The following CNOT6L variants were observed in gnomAD, a reference collection of about 807,000 sequenced individuals.
The protein encoded by CNOT6L is CCR4-NOT transcription complex subunit 6-like.
A neutral mutation model predicts 64.0 loss-of-function variants in CNOT6L; 7 were observed. That is an observed-to-expected ratio of 0.11 (90% CI 0.06 to 0.21). The LOEUF is 0.21. Ranked by LOEUF, CNOT6L falls within the 10% of genes least tolerant of loss-of-function variation. The pLI, the probability that CNOT6L is intolerant of heterozygous loss-of-function variation, is 1.00. For synonymous variants in CNOT6L, 193 were observed against 243.4 expected (o/e 0.79, Z 1.93); for missense variants, 245 against 669.0 (o/e 0.37, Z 6.99).
intron 1 of CNOT6L, among the ~76,000 whole-genome samples, chr4:77,808,854 T>C (rs1732571272): frequency 6.6e-6 from 1 of 152,220 alleles, no homozygotes; most frequent in Admixed American, 6.5e-5. Flanking sequence ...TTCACCTGTT[T>C]ACTAGATCCA....
rs764246125 is a variant in CNOT6L, at chr4:77,718,002, A to G, written c.*2429T>C. The G allele has an allele frequency of 6.6e-6, 1 of 151,910 alleles. No individual in the cohort carries two copies. Among genetic ancestry groups the G allele is most frequent in the Non-Finnish European group, 1.5e-5 (1 of 67,974 alleles). The allele number at this position is 151,910 out of a possible 1,614,324, so 9.4% of individuals were successfully genotyped here. Reference sequence around the variant, plus strand: ...CTGCAACAGAGTGCCTCGATCATACACAAAATAAACTTAAGCTGTTTACAA... The same window carrying G: ...CTGCAACAGAGTGCCTCGATCATACGCAAAATAAACTTAAGCTGTTTACAA... On this transcript the variant is annotated 3_prime_UTR_variant, in exon 12 of 12. Coordinates refer to ENST00000504123, the MANE Select transcript of CNOT6L (RefSeq NM_144571.3).
At chr4:77,798,426 A>G (rs1402543158) in intron 1 of CNOT6L, among the ~76,000 whole-genome samples, 2 of 152,242 alleles carry the variant, frequency 1.3e-5, no homozygotes, top group African/African-American at 4.8e-5. Flanking sequence ...GTCAAAATTC[A>G]GTAATAAAAA....
At chr4:77,783,169 A>AAC (rs1279915989) in intron 1 of CNOT6L, among the ~76,000 whole-genome samples, 217 of 151,290 alleles carry the variant, frequency 1.4e-3, no homozygotes, top group Non-Finnish European at 2.3e-3. Flanking sequence ...AAAAAAAAAA[A>AAC]ACACATGTTT....
intron 8 of CNOT6L, among the ~76,000 whole-genome samples, chr4:77,741,699 C>T (rs1055322552): frequency 1.3e-5 from 2 of 152,060 alleles, no homozygotes; most frequent in African/African-American, 4.8e-5. Flanking sequence ...CAGGACTTAT[C>T]ACAAAGCAAA....
intron 1 of CNOT6L, among the ~76,000 whole-genome samples, chr4:77,809,392 A>G (rs191775725): frequency 5.3e-4 from 81 of 152,328 alleles, no homozygotes; most frequent in Non-Finnish European, 9.3e-4. Context: ...CCTGAATACA[A>G]TAGTCTATAA....
chr4:77,813,789 A>G (rs1358338133), intron 1 of CNOT6L, among the ~76,000 whole-genome samples: 1 of 152,172 alleles, frequency 6.6e-6, no homozygotes, highest in Non-Finnish European at 1.5e-5. Flanking sequence ...GCTCTCATAC[A>G]CTGCTGATGG....
intron 5 of CNOT6L, among the ~76,000 whole-genome samples, chr4:77,750,362 G>GTT (rs147148309): frequency 3.3e-5 from 5 of 150,848 alleles, no homozygotes; most frequent in Admixed American, 6.6e-5. Context: ...AAGTCAGTTT[G>GTT]TTTTTTTTTG....
intron 8 of CNOT6L, among the ~76,000 whole-genome samples, chr4:77,740,313 A>T (rs1264369692): frequency 6.6e-6 from 1 of 152,150 alleles, no homozygotes; most frequent in African/African-American, 2.4e-5. Context: ...TTGAGGCTGC[A>T]GTGAGCCATG....
intron 4 of CNOT6L, among the ~76,000 whole-genome samples, chr4:77,762,490 C>A (rs1726351543): frequency 6.6e-6 from 1 of 152,056 alleles, no homozygotes; most frequent in African/African-American, 2.4e-5. Context: ...ACAAATAGTG[C>A]TAGAATAACT....
chr4:77,818,227 A>G (rs1733789903), intron 1 of CNOT6L, among the ~76,000 whole-genome samples: 2 of 152,188 alleles, frequency 1.3e-5, no homozygotes, highest in African/African-American at 4.8e-5. Flanking sequence ...CAATCCACCT[A>G]AACAGTCTAA....
At chr4:77,807,668 TGAGA>T (rs889341557) in intron 1 of CNOT6L, among the ~76,000 whole-genome samples, 1 of 152,104 alleles carries the variant, frequency 6.6e-6, no homozygotes, top group Non-Finnish European at 1.5e-5. Context: ...AGGGAATATG[TGAGA>T]GAGAGTAGTA....
chr4:77,748,605 T>A (rs1216005600), intron 5 of CNOT6L, among the ~76,000 whole-genome samples: 3 of 152,158 alleles, frequency 2.0e-5, no homozygotes, highest in African/African-American at 7.2e-5. Flanking sequence ...ATTAGGAAAT[T>A]CATTAATGGC....
chr4:77,809,668 T>G (rs1038854929), intron 1 of CNOT6L, among the ~76,000 whole-genome samples: 3 of 152,160 alleles, frequency 2.0e-5, no homozygotes, highest in East Asian at 1.9e-4. Flanking sequence ...AGTCTTTGTA[T>G]AGAGAGACAT....
intron 1 of CNOT6L, among the ~76,000 whole-genome samples, chr4:77,790,155 A>G (rs1027011588): frequency 6.6e-6 from 1 of 151,922 alleles, no homozygotes; most frequent in African/African-American, 2.4e-5. Context: ...TTGGACTCAT[A>G]CGGTGTGTAG....
chr4:77,812,024 A>C (rs1367636538), intron 1 of CNOT6L, among the ~76,000 whole-genome samples: 1 of 152,190 alleles, frequency 6.6e-6, no homozygotes, highest in Admixed American at 6.5e-5. Context: ...TGGAGGTTCT[A>C]TCCAGGGCAA....
At chr4:77,722,126 C>T (rs1721347035) in intron 11 of CNOT6L, among the ~76,000 whole-genome samples, 1 of 152,042 alleles carries the variant, frequency 6.6e-6, no homozygotes, top group Non-Finnish European at 1.5e-5. Flanking sequence ...GGTTATAATG[C>T]CTAGTTTTAC....
intron 4 of CNOT6L, among the ~76,000 whole-genome samples, chr4:77,760,895 TAAGGAAGAGACAGGG>T (rs1726151194): frequency 8.3e-6 from 1 of 120,838 alleles, no homozygotes; most frequent in African/African-American, 3.3e-5. Flanking sequence ...TTTTTTTTTT[TAAGGAAGAGACAGGG>T]TTTCACTGTG....
chr4:77,723,218 T>TG (rs1721477743), intron 11 of CNOT6L, among the ~76,000 whole-genome samples: 1 of 151,652 alleles, frequency 6.6e-6, no homozygotes, highest in Non-Finnish European at 1.5e-5. Flanking sequence ...AAAGTAATGT[T>TG]GAAAAAGGAG....
intron 4 of CNOT6L, among the ~76,000 whole-genome samples, chr4:77,759,172 T>C (rs1343646280): frequency 1.3e-5 from 2 of 151,946 alleles, no homozygotes; most frequent in Non-Finnish European, 2.9e-5. Flanking sequence ...AATAAACTGA[T>C]ACAAGATGCA....
Sources: allele counts gnomAD v4.1 joint callset (sites outside exome capture counted in the v4.1 genomes callset), GRCh38; gene constraint gnomAD v4.1.1; transcripts MANE v1.5; gene names NCBI Gene and HGNC (gene_info 2026-07-23, HGNC 2026-07-21).